Variants in TENT4A observed in about 807,000 individuals in gnomAD.
The protein encoded by TENT4A is terminal nucleotidyltransferase 4A.
TENT4A carries 7 observed loss-of-function variants against 72.8 expected under a neutral mutation model. The observed-to-expected ratio is 0.10, with a 90% CI of 0.05 to 0.18. The LOEUF (loss-of-function observed/expected upper bound fraction) is 0.18, where lower values mean the gene tolerates loss of function less well. TENT4A is among the 10% of genes least tolerant of loss of function. TENT4A has a pLI of 1.00. For synonymous variants in TENT4A, 456 were observed against 434.3 expected, an observed-to-expected ratio of 1.05 and a Z score of -0.62; for missense variants, 831 against 1,017.7, an observed-to-expected ratio of 0.82 and a Z score of 2.50.
At chr5:6,736,174 C>T (rs977236783) in intron 1 of TENT4A, among the ~76,000 whole-genome samples, 2 of 152,006 alleles carry the variant, frequency 1.3e-5, no homozygotes, top group Non-Finnish European at 2.9e-5. Flanking sequence ...CCTGGAGTCT[C>T]TCGTGTGTGC....
chr5:6,742,420 G>A (rs1741852244), intron 4 of TENT4A, 70 bp from the exon 5 acceptor site: 1 of 952,940 alleles, frequency 1.0e-6, no homozygotes, highest in Admixed American at 1.8e-5. Flanking sequence ...TACAGCTTTG[G>A]CAGCATTTTG....
intron 9 of TENT4A, among the ~76,000 whole-genome samples, chr5:6,750,124 A>G (rs1471536926): frequency 2.6e-5 from 4 of 152,272 alleles, no homozygotes; most frequent in Non-Finnish European, 4.4e-5. Context: ...GATGATTTGC[A>G]TACCCAAGTT....
At chr5:6,753,520 T>C (rs1331237268) in intron 12 of TENT4A, among the ~76,000 whole-genome samples, 1 of 152,186 alleles carries the variant, frequency 6.6e-6, no homozygotes, top group African/African-American at 2.4e-5. Flanking sequence ...GGCCCTGGCA[T>C]GCGTGCCCTT....
At chr5:6,726,133 A>G (rs1740907274) in intron 1 of TENT4A, among the ~76,000 whole-genome samples, 1 of 152,096 alleles carries the variant, frequency 6.6e-6, no homozygotes, top group Non-Finnish European at 1.5e-5. Context: ...CCACTGTTGC[A>G]CCGAACCCTT....
At chr5:6,724,912 C>A (rs1740834003) in intron 1 of TENT4A, among the ~76,000 whole-genome samples, 1 of 152,218 alleles carries the variant, frequency 6.6e-6, no homozygotes. Flanking sequence ...TGGGGTCACA[C>A]AGCTGGTAGG....
intron 1 of TENT4A, 50 bp from the exon 2 acceptor site, chr5:6,737,460 G>A (rs1021378258): frequency 2.1e-5 from 32 of 1,513,388 alleles, no homozygotes; most frequent in Non-Finnish European, 2.6e-5. Flanking sequence ...AACAGAAAAT[G>A]TGGTGACATT....
chr5:6,733,938 G>A (rs73033398), intron 1 of TENT4A, among the ~76,000 whole-genome samples: 295 of 152,300 alleles, frequency 1.9e-3, no homozygotes, highest in African/African-American at 6.9e-3. Flanking sequence ...GATAGTTGGC[G>A]ATTTAAATGG....
At chr5:6,733,733 G>A (rs1226221336) in intron 1 of TENT4A, among the ~76,000 whole-genome samples, 1 of 152,098 alleles carries the variant, frequency 6.6e-6, no homozygotes, top group Non-Finnish European at 1.5e-5. Flanking sequence ...TTGAACCAGC[G>A]GGCATATTCA....
intron 11 of TENT4A, among the ~76,000 whole-genome samples, chr5:6,751,668 A>G (rs757710263): frequency 1.3e-5 from 2 of 152,216 alleles, no homozygotes; most frequent in African/African-American, 4.8e-5. Context: ...CTGTTGGAAT[A>G]TACTGTTTTT....
At chr5:6,737,806 G>A (rs1305509898) in intron 2 of TENT4A, among the ~76,000 whole-genome samples, 173 bp downstream of exon 2, 1 of 152,188 alleles carries the variant, frequency 6.6e-6, no homozygotes, top group Non-Finnish European at 1.5e-5. Flanking sequence ...CATGGCCCCC[G>A]GCGCACCTGC....
intron 7 of TENT4A, 115 bp from the exon 8 acceptor site, chr5:6,748,349 C>T: frequency 7.2e-7 from 1 of 1,386,824 alleles, no homozygotes; most frequent in East Asian, 2.3e-5. Flanking sequence ...CTGGTAGGGT[C>T]TGGAAGAGTT....
At chr5:6,723,352 ACTTC>A (rs1740753777) in intron 1 of TENT4A, among the ~76,000 whole-genome samples, 1 of 152,178 alleles carries the variant, frequency 6.6e-6, no homozygotes, top group Non-Finnish European at 1.5e-5. Context: ...GCAGACGGTC[ACTTC>A]CTTCTCTCAA....
At chr5:6,746,655 A>T (rs577267276) in intron 7 of TENT4A, among the ~76,000 whole-genome samples, 35 of 152,374 alleles carry the variant, frequency 2.3e-4, no homozygotes, top group African/African-American at 7.2e-4. Flanking sequence ...AGAAGAATTA[A>T]GGAAAATCTT....
intron 1 of TENT4A, among the ~76,000 whole-genome samples, chr5:6,717,606 A>T (rs1357099792): frequency 6.6e-6 from 1 of 152,244 alleles, no homozygotes; most frequent in African/African-American, 2.4e-5. Flanking sequence ...AGAGGAGGTG[A>T]AATGCTTCTT....
rs1015303364 is a variant in TENT4A at position 6,714,594 on chromosome 5, C to T, written c.611C>T (p.Ser204Phe). 1 of 1,198,522 alleles carries T rather than the reference C, an allele frequency of 8.3e-7. No homozygotes were observed. The highest frequency in any genetic ancestry group is 1.0e-6 in the Non-Finnish European group (1 of 966,440). 74.2% of individuals were successfully genotyped at this position (1,198,522 alleles called of 1,614,324 possible). The change falls in exon 1 of 13, where the codon TCC becomes TTC. Residue 204 changes from serine (S) to phenylalanine (F), a missense_variant. Around this residue, in one of 3 missense-constraint regions of TENT4A, gnomAD observed 302 missense variants for 293.8 expected, o/e 1.03. Coordinates refer to ENST00000230859, the MANE Select transcript of TENT4A (RefSeq NM_006999.6). ...ASTYGLNYLL[S>F]GSRAAALSGG... ...ACCTACGGCCTCAACTACCTGCTGT[C>T]CGGCAGCCGCGCGGCCGCTCTCAGC...
intron 1 of TENT4A, among the ~76,000 whole-genome samples, chr5:6,735,918 G>A (rs1228163356): frequency 6.6e-6 from 1 of 152,006 alleles, no homozygotes; most frequent in East Asian, 1.9e-4. Flanking sequence ...GTGCCACCAC[G>A]CCTGGCTAAT....
intron 1 of TENT4A, among the ~76,000 whole-genome samples, chr5:6,734,754 C>T (rs2126627645): frequency 6.6e-6 from 1 of 152,340 alleles, no homozygotes; most frequent in East Asian, 1.9e-4. Flanking sequence ...TTCCCCTGAG[C>T]ACCACTTCTG....
intron 6 of TENT4A, 46 bp from the exon 7 acceptor site, chr5:6,746,168 A>G (rs1742084419): frequency 6.2e-7 from 1 of 1,613,580 alleles, no homozygotes; most frequent in South Asian, 1.1e-5. Context: ...TTTTCTTTAG[A>G]ACATGCCATG....
chr5:6,732,710 T>C (rs1741272094), intron 1 of TENT4A, among the ~76,000 whole-genome samples: 1 of 152,208 alleles, frequency 6.6e-6, no homozygotes, highest in Non-Finnish European at 1.5e-5. Flanking sequence ...TTTCGAGTAG[T>C]TTCCTGACTA....
Sources: gnomAD v4.1 joint callset for allele counts (sites outside exome capture counted in the v4.1 genomes callset) on GRCh38, gnomAD v4.1.1 for gene constraint, gnomAD v4.1.1 regional missense constraint, MANE v1.5 for transcripts, NCBI Gene and HGNC (gene_info 2026-07-23, HGNC 2026-07-21) for gene names.